Variants in ACACB observed in about 807,000 individuals in gnomAD.
The protein encoded by ACACB is acetyl-CoA carboxylase beta.
In ACACB, 209 loss-of-function variants were observed where a neutral mutation model predicts 278.8. The observed-to-expected ratio is 0.75, with a 90% confidence interval of 0.67 to 0.84. The LOEUF is 0.84. ACACB is among the 40% of genes least tolerant of loss of function. The probability of loss-of-function intolerance (pLI) is 0.00; values close to 1 mark genes in which losing one functional copy is unlikely to be tolerated. For missense variants in ACACB, 2,850 were observed against 3,269.0 expected (o/e 0.87, Z 3.13); for synonymous variants, 1,174 against 1,285.6 (o/e 0.91, Z 1.86).
At position 109,210,201 on chromosome 12, in the gene ACACB, A is replaced by ATATATACACACATATCTGTGTG. The variant is rs1565927021; in HGVS notation, c.3249+853_3249+854insACACACATATCTGTGTGTATAT. On this transcript the variant is annotated intron_variant, in intron 21 of 52. Coordinates refer to ENST00000338432, the MANE Select transcript of ACACB (RefSeq NM_001093.4). ...TATATATACACACGTGTGTATATGTATATATGTATATATACACACATGTGT... is the reference window on the plus strand; with the variant it reads ...TATATATACACACGTGTGTATATGTATATATACACACATATCTGTGTGTATATGTATATATACACACATGTGT... 2.8e-3 allele frequency among the ~76,000 whole-genome samples: 38 copies of ATATATACACACATATCTGTGTG among 13,580 alleles called. 9 individuals are homozygous for ATATATACACACATATCTGTGTG. The highest frequency in any genetic ancestry group is 3.9e-3 in the Non-Finnish European group (26 of 6,624). 8.9% of individuals were successfully genotyped at this position (13,580 alleles called of 152,430 possible).
intron 27 of ACACB, among the ~76,000 whole-genome samples, chr12:109,225,231 G>A (rs1484186374): frequency 6.6e-6 from 1 of 152,190 alleles, no homozygotes; most frequent in Admixed American, 6.5e-5. Context: ...ACGCTCAAGC[G>A]ATCCTCCTGC....
intron 1 of ACACB, among the ~76,000 whole-genome samples, chr12:109,126,684 T>C (rs2042687398): frequency 6.6e-6 from 1 of 151,582 alleles, no homozygotes; most frequent in Admixed American, 6.6e-5. Flanking sequence ...ACCTTGTCTC[T>C]ACACACACAA....
chr12:109,198,846 G>A (rs1351889516), intron 17 of ACACB, among the ~76,000 whole-genome samples: 1 of 150,884 alleles, frequency 6.6e-6, no homozygotes, highest in Admixed American at 6.6e-5. Context: ...AGCTTGTCTT[G>A]AACTCCTGGC....
At chr12:109,159,184 G>A (rs753018306) in intron 2 of ACACB, among the ~76,000 whole-genome samples, 10 of 152,196 alleles carry the variant, frequency 6.6e-5, no homozygotes, top group Non-Finnish European at 1.2e-4. Flanking sequence ...GGAGAGCGTG[G>A]TTTTGTGCTG....
At chr12:109,163,010 G>A (rs560853567) in intron 2 of ACACB, among the ~76,000 whole-genome samples, 4 of 152,186 alleles carry the variant, frequency 2.6e-5, no homozygotes, top group Non-Finnish European at 4.4e-5. Flanking sequence ...TGCAACCTCC[G>A]CCTCTCAGGT....
At chr12:109,218,193 T>C (rs571315537) in intron 24 of ACACB, among the ~76,000 whole-genome samples, 3 of 152,286 alleles carry the variant, frequency 2.0e-5, no homozygotes, top group Non-Finnish European at 4.4e-5. Context: ...GATAGCAGTC[T>C]TTTGTTTTTT....
chr12:109,141,537 A>G (rs1450188512), intron 2 of ACACB, among the ~76,000 whole-genome samples: 3 of 152,172 alleles, frequency 2.0e-5, no homozygotes, highest in Non-Finnish European at 4.4e-5. Flanking sequence ...CTCTGTTCTC[A>G]TTGTTCTACT....
At chr12:109,123,180 C>CAA (rs371374660) in intron 1 of ACACB, among the ~76,000 whole-genome samples, 81 of 121,950 alleles carry the variant, frequency 6.6e-4, no homozygotes, top group Non-Finnish European at 1.0e-3. Flanking sequence ...GACTCCATCT[C>CAA]AAAAAAAAAA....
In ACACB at chr12:109,216,899, C is replaced by G; in HGVS notation, c.3543C>G (p.Asn1181Lys). 3 of 1,613,688 alleles carry G rather than the reference C, an allele frequency of 1.9e-6. No homozygotes were observed. Among genetic ancestry groups the G allele is most frequent in the Non-Finnish European group, 2.5e-6 (3 of 1,180,008 alleles). The change falls in exon 24 of 53, where the codon AAC becomes AAG. Residue 1181 changes from asparagine to lysine, a missense_variant. Asn to Lys is a moderately conservative substitution (Grantham distance 94). Transcript: ENST00000338432. Reference protein sequence around the residue: ...IFSHAQVAKKNQLVIMLIDEL... With the variant: ...IFSHAQVAKKKQLVIMLIDEL... ...CCCACGCACAGGTGGCCAAGAAGAACCAGCTGGTGATCATGTTGATCGTAA... is the reference window on the plus strand; with the variant it reads ...CCCACGCACAGGTGGCCAAGAAGAAGCAGCTGGTGATCATGTTGATCGTAA...
intron 4 of ACACB, among the ~76,000 whole-genome samples, chr12:109,170,710 G>C (rs11065725): frequency 0.16 from 25,058 of 151,972 alleles, 3,354 homozygotes; most frequent in African/African-American, 0.37. Flanking sequence ...TGAAAAAGTT[G>C]TGGACATCTG....
Position 109,167,914 on chromosome 12 carries a change from G to A in ACACB, c.805G>A (p.Gly269Arg), listed in dbSNP as rs533919628. The A allele has an allele frequency of 1.9e-6, 3 of 1,613,812 alleles. No individual in the cohort carries two copies. In the South Asian group the frequency reaches 3.3e-5, roughly 18 times the overall value. The change falls in exon 4 of 53, where the codon GGG (glycine) becomes AGG (arginine). Residue 269 changes from glycine (G) to arginine (R), a missense_variant. This residue lies in a region of ACACB where 2,265 missense variants were observed against 2,561.3 expected (regional missense o/e 0.88). Transcript: ENST00000338432. ...VIEKVLIANN[G>R]IAAVKCMRSI... ...CATGCAGGTGCTTATTGCCAACAAC[G>A]GGATTGCCGCCGTGAAGTGCATGCG...
At chr12:109,172,174 G>T in intron 5 of ACACB, 101 bp from the exon 6 acceptor site, 1 of 1,112,626 alleles carries the variant, frequency 9.0e-7, no homozygotes, top group Non-Finnish European at 1.3e-6. Flanking sequence ...CTCCTGCCTT[G>T]GCCTCCCAAA....
intron 36 of ACACB, 143 bp from the exon 37 acceptor site, chr12:109,242,294 C>A (rs773071090): frequency 1.1e-6 from 1 of 878,268 alleles, no homozygotes; most frequent in Non-Finnish European, 1.7e-6. Context: ...GGGAGTTTTA[C>A]GTAGCCCAGG....
chr12:109,208,345 A>T (rs867727926), intron 20 of ACACB, among the ~76,000 whole-genome samples: 6 of 151,570 alleles, frequency 4.0e-5, no homozygotes, highest in South Asian at 4.2e-4. Flanking sequence ...CCTTCCAAGT[A>T]GCTGGGGTTA....
chr12:109,256,083 C>A, intron 44 of ACACB, 57 bp from the exon 45 acceptor site: 1 of 1,487,298 alleles, frequency 6.7e-7, no homozygotes, highest in Non-Finnish European at 9.4e-7. Flanking sequence ...CAGGAGTGTC[C>A]TGGGGGCCCC....
intron 34 of ACACB, among the ~76,000 whole-genome samples, chr12:109,238,404 A>T (rs139130764): frequency 0.054 from 7,542 of 139,550 alleles, 229 homozygotes; most frequent in Non-Finnish European, 0.073. Flanking sequence ...TTATATATAT[A>T]ATTATATATA....
At chr12:109,218,489 G>A (rs577707397) in intron 24 of ACACB, among the ~76,000 whole-genome samples, 30 of 152,278 alleles carry the variant, frequency 2.0e-4, no homozygotes, top group African/African-American at 6.7e-4. Flanking sequence ...CTCCCAAAGT[G>A]CTGGGATTAC....
intron 16 of ACACB, among the ~76,000 whole-genome samples, chr12:109,194,620 G>C (rs1291720078): frequency 6.8e-6 from 1 of 147,854 alleles, no homozygotes; most frequent in African/African-American, 2.5e-5. Flanking sequence ...CTGTGTGTGT[G>C]TGTGTGTGTG....
chr12:109,116,131 G>A (rs1188667106), upstream of ACACB, among the ~76,000 whole-genome samples: 2 of 152,190 alleles, frequency 1.3e-5, no homozygotes, highest in Non-Finnish European at 2.9e-5. Flanking sequence ...TTATCCCCAA[G>A]TCACAAGAAA....
Sources: gnomAD v4.1 joint callset for allele counts (sites outside exome capture counted in the v4.1 genomes callset) on GRCh38, gnomAD v4.1.1 for gene constraint, gnomAD v4.1.1 regional missense constraint, MANE v1.5 for transcripts, NCBI Gene and HGNC (gene_info 2026-07-23, HGNC 2026-07-21) for gene names.